COL9A3: variants seen among roughly 807,000 people sequenced by gnomAD.
COL9A3 encodes collagen type IX alpha 3 chain, also known as collagen alpha-3(IX) chain.
In COL9A3, 82 loss-of-function variants were observed where a neutral mutation model predicts 110.2. The observed-to-expected ratio is 0.74, with a 90% CI of 0.62 to 0.89. The LOEUF is 0.89. Ranked by LOEUF, COL9A3 falls within the 40% of genes least tolerant of loss-of-function variation. The probability of loss-of-function intolerance (pLI) is 0.00; values close to 1 mark genes in which losing one functional copy is unlikely to be tolerated. For missense variants in COL9A3, 1,066 were observed against 981.3 expected, an observed-to-expected ratio of 1.09 and a Z score of -1.15; for synonymous variants, 494 against 403.8, an observed-to-expected ratio of 1.22 and a Z score of -2.68.
At chr20:62,818,493 T>C in intron 2 of COL9A3, 25 bp from the exon 3 acceptor site, 2 of 1,612,048 alleles carry the variant, frequency 1.2e-6, no homozygotes, top group Non-Finnish European at 8.5e-7. Context: ...TTTTCAGGGT[T>C]ACATGTGGGT....
chr20:62,830,613 C>G, intron 24 of COL9A3, 25 bp downstream of exon 24: 1 of 1,561,276 alleles, frequency 6.4e-7, no homozygotes, highest in Non-Finnish European at 8.7e-7. Context: ...CAGCAGGAAG[C>G]TCCCCTGCAC....
intron 16 of COL9A3, 91 bp from the exon 17 acceptor site, chr20:62,827,832 C>A: frequency 1.4e-6 from 2 of 1,400,668 alleles, no homozygotes; most frequent in Non-Finnish European, 2.0e-6. Flanking sequence ...CCCACCATAG[C>A]TCCTTGGTGT....
chr20:62,835,153 C>T lies in COL9A3; in HGVS notation c.1369-768C>T, dbSNP rs1035722215. 1.2e-4 allele frequency among the ~76,000 whole-genome samples: 19 copies of T among 152,240 alleles called. 1 individual carries two copies. Among genetic ancestry groups the T allele is most frequent in the Non-Finnish European group, 8.8e-5 (6 of 68,046 alleles). On this transcript the variant is annotated intron_variant, in intron 26 of 31. Coordinates refer to ENST00000649368, the MANE Select transcript of COL9A3 (RefSeq NM_001853.4). ...AGCATGCTGTCTGGGCCCGGTCGGT[C>T]CCTCTGCTGTGCGGTTAGACTGTGT...
Position 62,837,249 on chromosome 20 carries a change from A to AGACCCCGGGCCCAGAGGTGAGT in COL9A3, c.1772_1786+7dup, listed in dbSNP as rs1488538133. 1.1e-5 allele frequency: 18 copies of AGACCCCGGGCCCAGAGGTGAGT among 1,610,784 alleles called. No individual in the cohort carries two copies. The highest frequency in any genetic ancestry group is 5.0e-5 in the Admixed American group (3 of 59,976). On this transcript the variant is annotated frameshift_variant, in exon 30 of 32. Transcript: ENST00000649368. LOFTEE classifies it high-confidence loss of function. ...ACCGCGGTCCCACTGGGGAGCTGGG[A>AGACCCCGGGCCCAGAGGTGAGT]GACCCCGGGCCCAGAGGTGAGTGTT...
Position 62,826,796 on chromosome 20 carries a change from G to A in COL9A3, c.768G>A (p.Gly256=), listed in dbSNP as rs760931131. 2 of 1,612,818 alleles carry A rather than the reference G, an allele frequency of 1.2e-6. No individual in the cohort carries two copies. The highest frequency in any genetic ancestry group is 1.7e-6 in the Non-Finnish European group (2 of 1,179,946). ...RGPIGFRGPP[G]IPGAPGKAGD... is the part of the protein sequence containing the mutation. ...CCATTGGGTTCCGAGGGCCGCCTGG[G>A]ATCCCAGGAGCGCCTGGGAAAGCGG... The change falls in exon 15 of 32, where the codon GGG becomes GGA. Residue 256 remains glycine (G), a synonymous_variant. Transcript: ENST00000649368.
intron 11 of COL9A3, 59 bp downstream of exon 11, chr20:62,824,560 G>A (rs182505479): frequency 6.6e-6 from 10 of 1,505,586 alleles, no homozygotes; most frequent in Non-Finnish European, 9.0e-6. Context: ...AGGCAGCTGG[G>A]CTCCCATGGG....
rs766752873 is a variant in COL9A3, at chr20:62,829,847, G to A, written c.1161+28G>A. ...GAGTGCAGGGACATGGCCCGGGGTC[G>A]GGGGTTAGCACTGAGCCATTGGCAC... On this transcript the variant is annotated intron_variant, in intron 22 of 31. Transcript: ENST00000649368. 13 of 1,546,564 alleles carry A rather than the reference G, an allele frequency of 8.4e-6. No homozygotes were observed. The East Asian group carries it at 9.6e-5, about 11-fold the overall frequency.
Position 62,826,751 on chromosome 20 carries a change from CCT to C in COL9A3, c.739-10_739-9del. On this transcript the variant is annotated splice_polypyrimidine_tract_variant and intron_variant, in intron 14 of 31. Transcript: ENST00000649368. Reference sequence around the variant, plus strand: ...CCTCAGACAAGAGGACCCCGGATCCCCTCTCTCCTCTGCAGGGTCCCATTGGG... The same window carrying C: ...CCTCAGACAAGAGGACCCCGGATCCCCTCTCCTCTGCAGGGTCCCATTGGG... The C allele has an allele frequency of 6.2e-7, 1 of 1,612,404 alleles. No homozygotes were observed. Among genetic ancestry groups the C allele is most frequent in the Non-Finnish European group, 8.5e-7 (1 of 1,179,776 alleles).
upstream of COL9A3, among the ~76,000 whole-genome samples, chr20:62,816,858 C>T (rs1489616873): frequency 6.6e-6 from 1 of 152,132 alleles, no homozygotes; most frequent in African/African-American, 2.4e-5. Flanking sequence ...GAACGCGCCG[C>T]CCGCCCGGCG....
intron 25 of COL9A3, 110 bp from the exon 26 acceptor site, chr20:62,832,910 C>A: frequency 9.6e-7 from 1 of 1,042,366 alleles, no homozygotes; most frequent in Non-Finnish European, 1.5e-6. Context: ...TTGGCCTCGA[C>A]CTTAAGATGA....
chr20:62,830,380 C>A lies in COL9A3; in HGVS notation c.1182C>A (p.Gly394=), dbSNP rs774760799. Residue 394 remains glycine (G), a synonymous_variant, in exon 23 of 32, where the codon GGC becomes GGA. Coordinates refer to ENST00000649368, the MANE Select transcript of COL9A3 (RefSeq NM_001853.4). The stretch of plus-strand genomic sequence containing the variant: ...TCCAGGGGGCCCTCGGCCCACAAGG[C>A]CCTCCCGGAGCCCCTGGTGTCCGAG... ...RGSAGALGPQ[G]PPGAPGVRGF... is the part of the protein sequence containing the mutation. 1.3e-6 allele frequency: 2 copies of A among 1,573,826 alleles called. No individual in the cohort carries two copies. Among genetic ancestry groups the A allele is most frequent in the Admixed American group, 3.7e-5 (2 of 54,442 alleles).
At position 62,838,824 on chromosome 20, in the gene COL9A3, A is replaced by G. The variant is rs1325968987; in HGVS notation, c.1864+63A>G. 6 of 1,348,958 alleles carry G rather than the reference A, an allele frequency of 4.4e-6. No individual in the cohort carries two copies. In the African/African-American group the frequency reaches 7.2e-5, roughly 16 times the overall value. The allele number at this position is 1,348,958 out of a possible 1,614,324, so 83.6% of individuals were successfully genotyped here. Reference sequence around the variant, plus strand: ...ATCTCTTCCGCCATCTTGTAGCTTTATGTGGGGCGTGCTTGGGTTATGAAT... The same window carrying G: ...ATCTCTTCCGCCATCTTGTAGCTTTGTGTGGGGCGTGCTTGGGTTATGAAT... On this transcript the variant is annotated intron_variant, in intron 31 of 31. Transcript: ENST00000649368.
intron 25 of COL9A3, among the ~76,000 whole-genome samples, chr20:62,832,625 G>A (rs1222460581): frequency 8.4e-6 from 1 of 118,412 alleles, no homozygotes; most frequent in Admixed American, 8.4e-5. Context: ...TCTGCTGTTC[G>A]AAGCACTCTT....
rs1390736361 is a variant in COL9A3, at chr20:62,817,592, G to A, written c.104G>A (p.Gly35Asp). 6.5e-7 allele frequency: 1 copy of A among 1,546,810 alleles called. No individual in the cohort carries two copies. Among genetic ancestry groups the A allele is most frequent in the Non-Finnish European group, 8.7e-7 (1 of 1,144,836 alleles). ...AQRVGLPGPP[G>D]PPGPPGKPGQ... ...AGAGTGGGACTCCCCGGCCCCCCCG[G>A]CCCCCCAGGGCCGCCCGGGAAGCCC... is the stretch of plus-strand genomic sequence containing the variant. Residue 35 changes from glycine (G) to aspartate (D), a missense_variant, in exon 2 of 32, where the codon GGC (glycine) becomes GAC (aspartate). Physicochemically the swap from Gly to Asp is moderately conservative, Grantham distance 94. Transcript: ENST00000649368.
chr20:62,832,817 G>GT, intron 25 of COL9A3: 5 of 431,922 alleles, frequency 1.2e-5, no homozygotes, highest in Non-Finnish European at 1.1e-5. Flanking sequence ...AATGTCTTCC[G>GT]TTTTTTGGCC....
At chr20:62,827,443 C>T in intron 16 of COL9A3, 149 bp downstream of exon 16, 1 of 773,478 alleles carries the variant, frequency 1.3e-6, no homozygotes, top group South Asian at 1.7e-5. Flanking sequence ...GTGAGCCTGA[C>T]CCTGGAGGGC....
At chr20:62,822,486 G>A in intron 9 of COL9A3, 105 bp from the exon 10 acceptor site, 1 of 1,255,982 alleles carries the variant, frequency 8.0e-7, no homozygotes, top group East Asian at 2.4e-5. Context: ...AAGTCCCCTG[G>A]TGGATGGGGA....
At position 62,821,524 on chromosome 20, in the gene COL9A3, A is replaced by G. The variant is rs1600790748; in HGVS notation, c.363A>G (p.Gly121=). 6.2e-7 allele frequency: 1 copy of G among 1,611,788 alleles called. No individual in the cohort carries two copies. Among genetic ancestry groups the G allele is most frequent in the South Asian group, 1.1e-5 (1 of 91,018 alleles). The change falls in exon 7 of 32, where the codon GGA becomes GGG. Residue 121 remains glycine, a synonymous_variant. Coordinates refer to ENST00000649368, the MANE Select transcript of COL9A3 (RefSeq NM_001853.4). The part of the protein sequence containing the change: ...PPGLGGKGLP[G]PPGEAGVSGP... ...CTTTGCAGGGCAAAGGCCTCCCTGG[A>G]CCCCCCGTGAGTACTGACAACCCTT...
intron 29 of COL9A3, chr20:62,836,760 C>G (rs2063640132): frequency 1.6e-6 from 1 of 626,548 alleles, no homozygotes; most frequent in East Asian, 2.7e-5. Context: ...AGATTCCCAG[C>G]ACGCAGCAGA....
Sources: allele counts gnomAD v4.1 joint callset (sites outside exome capture counted in the v4.1 genomes callset), GRCh38; gene constraint gnomAD v4.1.1; transcripts MANE v1.5; gene names NCBI Gene and HGNC (gene_info 2026-07-23, HGNC 2026-07-21).